PCED1B: variants seen among roughly 807,000 people sequenced by gnomAD.
PCED1B encodes PC-esterase domain-containing protein 1B.
For missense variants in PCED1B, 573 were observed against 573.9 expected, an observed-to-expected ratio of 1.00 and a Z score of 0.02; for synonymous variants, 251 against 246.1, an observed-to-expected ratio of 1.02 and a Z score of -0.19.
At chr12:47,131,322 T>C (rs993375669) in intron 2 of PCED1B, among the ~76,000 whole-genome samples, 2 of 152,156 alleles carry the variant, frequency 1.3e-5, no homozygotes, top group African/African-American at 4.8e-5. Flanking sequence ...CAAAACGCCC[T>C]CCTTAATCAA....
chr12:47,125,140 C>T (rs1026216369), intron 2 of PCED1B, among the ~76,000 whole-genome samples: 1 of 151,882 alleles, frequency 6.6e-6, no homozygotes, highest in Admixed American at 6.6e-5. Flanking sequence ...AATTTTTTAG[C>T]CCTTTGTTTT....
chr12:47,188,562 G>C (rs10881067), intron 2 of PCED1B, among the ~76,000 whole-genome samples: 64,889 of 152,128 alleles, frequency 0.43, 16,833 homozygotes, highest in South Asian at 0.58. Context: ...GTTTCAGGAC[G>C]ATACTGCTTC....
chr12:47,192,899 T>A (rs1942489397), intron 2 of PCED1B, among the ~76,000 whole-genome samples: 2 of 152,206 alleles, frequency 1.3e-5, no homozygotes, highest in South Asian at 4.1e-4. Flanking sequence ...AAATGTATTT[T>A]GGTGAAACTA....
At chr12:47,165,738 G>A (rs1170503464) in intron 2 of PCED1B, among the ~76,000 whole-genome samples, 1 of 152,132 alleles carries the variant, frequency 6.6e-6, no homozygotes, top group African/African-American at 2.4e-5. Flanking sequence ...ATTTAAGGCT[G>A]TCTTTGGAGC....
intron 3 of PCED1B, among the ~76,000 whole-genome samples, chr12:47,227,818 A>C (rs1206806932): frequency 6.6e-6 from 1 of 151,780 alleles, no homozygotes. Flanking sequence ...TCGCCACTGC[A>C]CTCCAGCCTG....
At chr12:47,130,268 A>G (rs1047623200) in intron 2 of PCED1B, among the ~76,000 whole-genome samples, 1 of 152,254 alleles carries the variant, frequency 6.6e-6, no homozygotes, top group African/African-American at 2.4e-5. Flanking sequence ...AAACAAAAAA[A>G]GGGTAGGGTA....
At chr12:47,170,187 A>G (rs918028624) in intron 2 of PCED1B, among the ~76,000 whole-genome samples, 5 of 152,118 alleles carry the variant, frequency 3.3e-5, no homozygotes, top group African/African-American at 4.8e-5. Flanking sequence ...GACACAGCAC[A>G]TGTTTCAGAG....
intron 2 of PCED1B, among the ~76,000 whole-genome samples, chr12:47,154,699 T>C (rs911156156): frequency 3.3e-5 from 5 of 151,798 alleles, no homozygotes; most frequent in African/African-American, 1.2e-4. Context: ...CATAATCCCT[T>C]AGAGCTCTAG....
intron 2 of PCED1B, among the ~76,000 whole-genome samples, chr12:47,192,173 G>GTTTTTTTTTTTTTTTTTTTTTTT (rs60925090): frequency 8.0e-6 from 1 of 124,948 alleles, no homozygotes; most frequent in Non-Finnish European, 1.7e-5. Flanking sequence ...TTTTTTTTTT[G>GTTTTTTTTTTTTTTTTTTTTTTT]TTTTTTTTTT....
intron 3 of PCED1B, among the ~76,000 whole-genome samples, chr12:47,220,144 T>C (rs1028554820): frequency 1.3e-5 from 2 of 151,898 alleles, no homozygotes; most frequent in Non-Finnish European, 2.9e-5. Flanking sequence ...ATTTACTAGC[T>C]GGGCAACCTT....
At chr12:47,131,673 C>CTTT (rs760678015) in intron 2 of PCED1B, among the ~76,000 whole-genome samples, 2 of 128,002 alleles carry the variant, frequency 1.6e-5, no homozygotes, top group African/African-American at 3.6e-5. Flanking sequence ...TGTTTTACTT[C>CTTT]TTTTTTTTTT....
intron 2 of PCED1B, among the ~76,000 whole-genome samples, chr12:47,138,959 T>C (rs1314037089): frequency 6.6e-6 from 1 of 152,230 alleles, no homozygotes; most frequent in African/African-American, 2.4e-5. Flanking sequence ...TACCTCCTTT[T>C]ACCTCCTTGC....
chr12:47,181,019 A>G (rs938639965), intron 2 of PCED1B, among the ~76,000 whole-genome samples: 2 of 151,572 alleles, frequency 1.3e-5, no homozygotes, highest in African/African-American at 4.8e-5. Context: ...TTTTTGAGAC[A>G]AAGTCTCACT....
intron 2 of PCED1B, among the ~76,000 whole-genome samples, chr12:47,143,199 T>C (rs374281813): frequency 1.5e-4 from 23 of 152,102 alleles, no homozygotes; most frequent in Admixed American, 1.5e-3. Flanking sequence ...CAGTATAGTA[T>C]TGGAAGTCCT....
At chr12:47,161,938 A>G (rs1458440626) in intron 2 of PCED1B, among the ~76,000 whole-genome samples, 1 of 152,240 alleles carries the variant, frequency 6.6e-6, no homozygotes, top group Non-Finnish European at 1.5e-5. Context: ...CAGCCATAAA[A>G]AAGGATGAAT....
At chr12:47,102,648 T>A (rs950676042) in intron 1 of PCED1B, among the ~76,000 whole-genome samples, 1 of 152,212 alleles carries the variant, frequency 6.6e-6, no homozygotes, top group Non-Finnish European at 1.5e-5. Context: ...TGAGTTACAG[T>A]CCTGAGAGTC....
intron 2 of PCED1B, chr12:47,205,835 G>A (rs1348768859): frequency 6.6e-6 from 1 of 152,192 alleles, no homozygotes; most frequent in Non-Finnish European, 1.5e-5. Flanking sequence ...TGCGTAGACA[G>A]AGCCAATTCA....
chr12:47,195,277 C>T (rs1399139570), intron 2 of PCED1B, among the ~76,000 whole-genome samples: 4 of 149,634 alleles, frequency 2.7e-5, no homozygotes, highest in Non-Finnish European at 5.9e-5. Flanking sequence ...TGCAGTGAGC[C>T]GAGATCATGC....
chr12:47,115,268 A>G (rs932322917), intron 2 of PCED1B, among the ~76,000 whole-genome samples: 9 of 151,896 alleles, frequency 5.9e-5, no homozygotes, highest in Non-Finnish European at 1.2e-4. Context: ...CTGCTCCTTT[A>G]TTTTCTGCCC....
Sources: gnomAD v4.1 joint callset for allele counts (sites outside exome capture counted in the v4.1 genomes callset) on GRCh38, gnomAD v4.1.1 for gene constraint, MANE v1.5 for transcripts, NCBI Gene and HGNC (gene_info 2026-07-23, HGNC 2026-07-21) for gene names.